Variants in PRDM16 observed in about 807,000 individuals in gnomAD.
PRDM16 encodes the protein PR/SET domain 16.
Under a neutral mutation model 110.6 loss-of-function variants are expected in PRDM16, and 23 were observed. That is an observed-to-expected ratio of 0.21 (90% CI 0.15 to 0.29). The LOEUF (loss-of-function observed/expected upper bound fraction) is 0.29. Ranked by LOEUF, PRDM16 falls within the 10% of genes least tolerant of loss-of-function variation. PRDM16 has a pLI of 1.00. For missense variants in PRDM16, 1,615 were observed against 1,794.3 expected, an observed-to-expected ratio of 0.90 and a Z score of 1.81; for synonymous variants, 799 against 781.8, an observed-to-expected ratio of 1.02 and a Z score of -0.37.
chr1:3,291,534 C>G (rs1329310019), intron 3 of PRDM16, among the ~76,000 whole-genome samples: 1 of 152,266 alleles, frequency 6.6e-6, no homozygotes, highest in Non-Finnish European at 1.5e-5. Flanking sequence ...CAGGGGCCCA[C>G]AGGCCTCGCA....
At chr1:3,313,798 C>A (rs1641525857) in intron 3 of PRDM16, among the ~76,000 whole-genome samples, 1 of 152,226 alleles carries the variant, frequency 6.6e-6, no homozygotes, top group Admixed American at 6.5e-5. Flanking sequence ...TGGAACGCAG[C>A]CTAGAGGCCT....
intron 9 of PRDM16, among the ~76,000 whole-genome samples, 183 bp from the exon 10 acceptor site, chr1:3,414,377 C>G (rs746658542): frequency 1.3e-5 from 2 of 152,084 alleles, no homozygotes; most frequent in Non-Finnish European, 2.9e-5. Context: ...GGGCTGGGCT[C>G]CCGACATCCC....
In PRDM16 at chr1:3,165,788, GACAGGGACTCACCAGGGCTCAGGC is replaced by G. The variant is rs1403564946; in HGVS notation, c.38-20323_38-20300del. 3.0e-4 allele frequency among the ~76,000 whole-genome samples: 23 copies of G among 76,420 alleles called. 9 individuals are homozygous for G. The highest frequency in any genetic ancestry group is 2.2e-3 in the African/African-American group (23 of 10,422). 50.1% of individuals were successfully genotyped at this position (76,420 alleles called of 152,430 possible). A position where few individuals can be genotyped will look rare whatever the true frequency, so the allele number is the denominator to read the frequency against. The stretch of plus-strand genomic sequence containing the variant: ...GGACAGGGACTCACCAGGGCTCAGG[GACAGGGACTCACCAGGGCTCAGGC>G]ACAGGGACTCACCTGGGCTCAGGGA... On this transcript the variant is annotated intron_variant, in intron 1 of 16. Coordinates refer to ENST00000270722, the MANE Select transcript of PRDM16 (RefSeq NM_022114.4).
chr1:3,090,532 G>T (rs1160778446), intron 1 of PRDM16, among the ~76,000 whole-genome samples: 3 of 152,224 alleles, frequency 2.0e-5, no homozygotes, highest in East Asian at 3.9e-4. Flanking sequence ...CACCCAAATG[G>T]AAGCAAAGAC....
At chr1:3,397,567 G>T (rs1203790655) in intron 5 of PRDM16, among the ~76,000 whole-genome samples, 1 of 152,250 alleles carries the variant, frequency 6.6e-6, no homozygotes, top group Non-Finnish European at 1.5e-5. Context: ...CTGAGCAGAC[G>T]GCTCCAGGGT....
chr1:3,272,175 C>T (rs1284646696), intron 3 of PRDM16, among the ~76,000 whole-genome samples: 22 of 152,190 alleles, frequency 1.4e-4, no homozygotes, highest in Non-Finnish European at 2.6e-4. Flanking sequence ...ATTGGCAAGG[C>T]CCAGGGGCTC....
chr1:3,323,474 C>T (rs549830518), intron 3 of PRDM16, among the ~76,000 whole-genome samples: 190 of 152,376 alleles, frequency 1.2e-3, no homozygotes, highest in South Asian at 9.9e-3. Context: ...GCGTCTTCCT[C>T]CCACAGCAGG....
chr1:3,156,229 C>CAGACGA (rs2100732063), intron 1 of PRDM16, among the ~76,000 whole-genome samples: 1 of 152,282 alleles, frequency 6.6e-6, no homozygotes, highest in Non-Finnish European at 1.5e-5. Context: ...ACAGATGGGG[C>CAGACGA]TGTCTGCAGG....
At chr1:3,348,979 C>G (rs1642420762) in intron 3 of PRDM16, among the ~76,000 whole-genome samples, 1 of 152,030 alleles carries the variant, frequency 6.6e-6, no homozygotes, top group Non-Finnish European at 1.5e-5. Context: ...CAGCGCTGGC[C>G]TGGGAACAGC....
chr1:3,157,031 C>T lies in PRDM16; in HGVS notation c.38-29094C>T, dbSNP rs933816919. ...AGTGAGTGTCTGGTTAGAGGCTGGG[C>T]TGGGGCTGAGCACGAGGGCCAAGAG... On this transcript the variant is annotated intron_variant, in intron 1 of 16. Coordinates refer to ENST00000270722, the MANE Select transcript of PRDM16 (RefSeq NM_022114.4). The surrounding 1 kb of genome is among the most constrained non-coding windows in gnomAD (Gnocchi z 4.8). 6.6e-6 allele frequency among the ~76,000 whole-genome samples: 1 copy of T among 152,186 alleles called. No individual in the cohort carries two copies. The highest frequency in any genetic ancestry group is 1.5e-5 in the Non-Finnish European group (1 of 68,034).
intron 3 of PRDM16, among the ~76,000 whole-genome samples, chr1:3,301,637 C>T (rs983288661): frequency 2.0e-5 from 3 of 152,284 alleles, no homozygotes; most frequent in South Asian, 4.2e-4. Flanking sequence ...GCTCGAAAAA[C>T]GTCCGGTGGG....
chr1:3,236,396 C>A (rs1216709270), intron 2 of PRDM16, among the ~76,000 whole-genome samples: 2 of 152,172 alleles, frequency 1.3e-5, no homozygotes, highest in African/African-American at 4.8e-5. Flanking sequence ...AGGTCAAGGA[C>A]CACAAATATG....
At chr1:3,247,337 T>G (rs1557555867) in intron 3 of PRDM16, among the ~76,000 whole-genome samples, 1 of 152,240 alleles carries the variant, frequency 6.6e-6, no homozygotes, top group Non-Finnish European at 1.5e-5. Context: ...CGGTTAGGAA[T>G]TCTAAGTATC....
intron 1 of PRDM16, among the ~76,000 whole-genome samples, chr1:3,103,705 C>T (rs1399793078): frequency 6.6e-6 from 1 of 152,170 alleles, no homozygotes; most frequent in African/African-American, 2.4e-5. Flanking sequence ...TTCTGAGAAG[C>T]CGCATGAGCT....
At chr1:3,139,090 C>T (rs1643494651) in intron 1 of PRDM16, among the ~76,000 whole-genome samples, 2 of 152,304 alleles carry the variant, frequency 1.3e-5, no homozygotes, top group South Asian at 4.1e-4. Context: ...AGTTTGTCTC[C>T]ATGACTTACG....
intron 3 of PRDM16, among the ~76,000 whole-genome samples, chr1:3,324,531 C>A (rs1263673638): frequency 6.6e-6 from 1 of 152,176 alleles, no homozygotes; most frequent in Non-Finnish European, 1.5e-5. Flanking sequence ...AAGCCTCATT[C>A]ACAGGGACGG....
chr1:3,384,683 G>A (rs929201409), intron 3 of PRDM16, among the ~76,000 whole-genome samples: 1 of 152,238 alleles, frequency 6.6e-6, no homozygotes, highest in South Asian at 2.1e-4. Flanking sequence ...TCAGAGTGAT[G>A]TGCAGGCTGC....
At chr1:3,284,750 G>A (rs1006854954) in intron 3 of PRDM16, among the ~76,000 whole-genome samples, 4 of 152,232 alleles carry the variant, frequency 2.6e-5, no homozygotes, top group Non-Finnish European at 2.9e-5. Flanking sequence ...ACGGCCATGC[G>A]TCTTGGGGGC....
chr1:3,287,454 GCCGCCC>G, intron 3 of PRDM16, among the ~76,000 whole-genome samples: 1 of 74,182 alleles, frequency 1.3e-5, no homozygotes, highest in African/African-American at 4.7e-5. Context: ...CGGGGCTGGA[GCCGCCC>G]CTGCCACGCG....
Sources: allele counts gnomAD v4.1 joint callset (sites outside exome capture counted in the v4.1 genomes callset), GRCh38; gene constraint gnomAD v4.1.1; non-coding constraint Gnocchi (gnomAD v3.1); transcripts MANE v1.5; gene names NCBI Gene and HGNC (gene_info 2026-07-23, HGNC 2026-07-21).